PDE7B: variants seen among roughly 807,000 people sequenced by gnomAD.
The protein encoded by PDE7B is 3',5'-cyclic-AMP phosphodiesterase 7B.
Under a neutral mutation model 56.2 loss-of-function variants are expected in PDE7B, and 29 were observed. The ratio of observed to expected loss-of-function variants is 0.52; its 90% CI spans 0.38 to 0.70. PDE7B has a LOEUF of 0.70. Among genes scored for constraint, PDE7B ranks in the 30% least tolerant of loss-of-function variants. PDE7B has a pLI of 0.00. For missense variants in PDE7B, 490 were observed against 565.0 expected, an observed-to-expected ratio of 0.87 and a Z score of 1.35; for synonymous variants, 197 against 196.9, an observed-to-expected ratio of 1.00 and a Z score of 0.00.
In PDE7B at chr6:136,181,277, G is replaced by C. The variant is rs183484715; in HGVS notation, c.999G>C (p.Met333Ile). 1.2e-6 allele frequency: 2 copies of C among 1,613,790 alleles called. No individual in the cohort carries two copies. ...GCAATCCTTGTAGAATCTGGGAGAT[G>C]AGCAAGCAGTGGAGTGAAAGGGTCT... is the stretch of plus-strand genomic sequence containing the variant. ...DICNPCRIWE[M>I]SKQWSERVCE... is the part of the protein sequence containing the mutation. The change falls in exon 11 of 13, where the codon ATG (methionine) becomes ATC (isoleucine). Residue 333 changes from methionine (M) to isoleucine (I), a missense_variant. Met to Ile is a conservative substitution (Grantham distance 10). Transcript: ENST00000308191.
At chr6:135,925,190 C>T (rs1253301123) in intron 1 of PDE7B, among the ~76,000 whole-genome samples, 1 of 151,972 alleles carries the variant, frequency 6.6e-6, no homozygotes, top group Non-Finnish European at 1.5e-5. Context: ...ACCCAACAAA[C>T]ATTATGTTCC....
At chr6:135,902,267 C>T (rs1289705558) in intron 1 of PDE7B, among the ~76,000 whole-genome samples, 3 of 151,852 alleles carry the variant, frequency 2.0e-5, no homozygotes, top group Non-Finnish European at 4.4e-5. Flanking sequence ...ACACAACTTC[C>T]AAGTGACGTC....
intron 3 of PDE7B, among the ~76,000 whole-genome samples, chr6:136,121,150 A>C (rs1777926968): frequency 6.6e-6 from 1 of 152,136 alleles, no homozygotes; most frequent in African/African-American, 2.4e-5. Flanking sequence ...CTGGTCACTC[A>C]TCACCTGAAG....
At chr6:136,191,023 T>TTTTTTTTTTTTTTTTTTTTA (rs1779214570) in intron 12 of PDE7B, among the ~76,000 whole-genome samples, 1 of 147,542 alleles carries the variant, frequency 6.8e-6, no homozygotes, top group African/African-American at 2.6e-5. Flanking sequence ...CTTTTTTTTT[T>TTTTTTTTTTTTTTTTTTTTA]TTTTTTTTTT....
intron 2 of PDE7B, among the ~76,000 whole-genome samples, chr6:135,978,714 G>A (rs931856858): frequency 2.0e-5 from 3 of 151,708 alleles, no homozygotes; most frequent in Non-Finnish European, 2.9e-5. Flanking sequence ...TAAAAACCGA[G>A]ACACATTGAT....
At chr6:135,865,044 G>GA (rs1562415753) in intron 1 of PDE7B, among the ~76,000 whole-genome samples, 1 of 147,846 alleles carries the variant, frequency 6.8e-6, no homozygotes, top group East Asian at 2.0e-4. Flanking sequence ...TGCAATGTTT[G>GA]TTTTTTTGTC....
chr6:135,978,180 G>A lies in PDE7B; in HGVS notation c.82+30656G>A, dbSNP rs567121787. Reference sequence around the variant, plus strand: ...ATGTGCTCTAGCCTATTGCTCGTAGGCTACAAACCTGTACAGTATATTACT... The same window carrying A: ...ATGTGCTCTAGCCTATTGCTCGTAGACTACAAACCTGTACAGTATATTACT... On this transcript the variant is annotated intron_variant, in intron 2 of 12. Transcript: ENST00000308191. Among the ~76,000 whole-genome samples the A allele has an allele frequency of 2.0e-5, 3 of 152,254 alleles. No individual in the cohort carries two copies. In the South Asian group the frequency reaches 6.2e-4, roughly 32 times the overall value.
At chr6:136,154,237 G>A (rs1382603873) in intron 7 of PDE7B, 62 bp downstream of exon 7, 4 of 969,746 alleles carry the variant, frequency 4.1e-6, no homozygotes, top group South Asian at 1.3e-5. Flanking sequence ...TACCTGCTAG[G>A]CCCAAGTTAC....
chr6:135,935,190 T>TTATATTTATATATATATATATATATA (rs1774396084), intron 1 of PDE7B, among the ~76,000 whole-genome samples: 1 of 36,188 alleles, frequency 2.8e-5, no homozygotes, highest in African/African-American at 1.2e-4. Flanking sequence ...ATATATTTAT[T>TTATATTTATATATATATATATATATA]TATATATATA....
intron 5 of PDE7B, among the ~76,000 whole-genome samples, chr6:136,150,812 A>G (rs1778497664): frequency 6.6e-6 from 1 of 151,956 alleles, no homozygotes; most frequent in African/African-American, 2.4e-5. Context: ...GGAACATTTC[A>G]AGTGGCCATA....
intron 1 of PDE7B, among the ~76,000 whole-genome samples, chr6:135,896,661 G>A (rs534282760): frequency 9.9e-5 from 15 of 152,194 alleles, no homozygotes; most frequent in African/African-American, 3.6e-4. Flanking sequence ...GACGCAGAGA[G>A]GTTAAAAAAA....
At chr6:136,008,877 G>A (rs1038477788) in intron 2 of PDE7B, among the ~76,000 whole-genome samples, 5 of 152,134 alleles carry the variant, frequency 3.3e-5, no homozygotes, top group African/African-American at 9.7e-5. Flanking sequence ...TGTTGCCATT[G>A]CTTTTGGTGT....
At chr6:136,058,778 A>G (rs554385724) in intron 2 of PDE7B, among the ~76,000 whole-genome samples, 25 of 152,224 alleles carry the variant, frequency 1.6e-4, no homozygotes, top group African/African-American at 4.6e-4. Flanking sequence ...ATTCAGGGGG[A>G]AAAATAGTAT....
intron 1 of PDE7B, among the ~76,000 whole-genome samples, chr6:135,876,048 G>A (rs890597052): frequency 6.6e-6 from 1 of 152,168 alleles, no homozygotes; most frequent in African/African-American, 2.4e-5. Context: ...AATAGATAGA[G>A]ACAGCCTTCA....
intron 2 of PDE7B, among the ~76,000 whole-genome samples, chr6:135,954,939 G>C (rs1437362821): frequency 2.6e-5 from 4 of 152,078 alleles, no homozygotes; most frequent in Non-Finnish European, 5.9e-5. Context: ...AGAGCTACCT[G>C]CAGAATAACA....
At chr6:135,909,435 C>T (rs1036528782) in intron 1 of PDE7B, among the ~76,000 whole-genome samples, 147 of 152,008 alleles carry the variant, frequency 9.7e-4, no homozygotes, top group African/African-American at 3.2e-3. Context: ...GCCAATGTGG[C>T]GAAACTCCAA....
intron 3 of PDE7B, among the ~76,000 whole-genome samples, chr6:136,130,139 A>T (rs1778092366): frequency 6.6e-6 from 1 of 152,126 alleles, no homozygotes; most frequent in Non-Finnish European, 1.5e-5. Flanking sequence ...GCTTTACCTC[A>T]TCTGGAAGGG....
At chr6:135,979,866 C>G (rs1421137166) in intron 2 of PDE7B, among the ~76,000 whole-genome samples, 1 of 152,048 alleles carries the variant, frequency 6.6e-6, no homozygotes, top group Non-Finnish European at 1.5e-5. Context: ...CCATACTGCC[C>G]AAGGTAATTT....
In PDE7B at chr6:136,147,333, C is replaced by T; in HGVS notation, c.167-18C>T. The T allele has an allele frequency of 6.3e-7, 1 of 1,576,484 alleles. No individual in the cohort carries two copies. Among genetic ancestry groups the T allele is most frequent in the Non-Finnish European group, 8.7e-7 (1 of 1,152,860 alleles). ...TCTTTTAAATATATAAATTTCTTGACTTGATGACTTTCCACAGGTACAACA... is the reference window on the plus strand; with the variant it reads ...TCTTTTAAATATATAAATTTCTTGATTTGATGACTTTCCACAGGTACAACA... On this transcript the variant is annotated intron_variant, in intron 3 of 12. Transcript: ENST00000308191.
Sources: gnomAD v4.1 joint callset for allele counts (sites outside exome capture counted in the v4.1 genomes callset) on GRCh38, gnomAD v4.1.1 for gene constraint, MANE v1.5 for transcripts, NCBI Gene and HGNC (gene_info 2026-07-23, HGNC 2026-07-21) for gene names.